Variants in EXOC5 observed in about 807,000 individuals in gnomAD.
EXOC5 encodes exocyst complex component 5.
EXOC5 carries 17 observed loss-of-function variants against 90.8 expected under a neutral mutation model. The observed-to-expected ratio is 0.19, with a 90% confidence interval of 0.13 to 0.28. The LOEUF (loss-of-function observed/expected upper bound fraction) is 0.28, where lower values mean the gene tolerates loss of function less well. EXOC5 is among the 10% of genes least tolerant of loss of function. The pLI is 1.00. For synonymous variants in EXOC5, 260 were observed against 270.0 expected (o/e 0.96, Z 0.36); for missense variants, 569 against 830.6 (o/e 0.69, Z 3.87).
intron 1 of EXOC5, among the ~76,000 whole-genome samples, chr14:57,254,293 G>A (rs1234327342): frequency 2.6e-5 from 4 of 152,024 alleles, no homozygotes; most frequent in East Asian, 1.9e-4. Context: ...AAATTAGCTC[G>A]GTGTGGTGGC....
At chr14:57,258,985 C>T (rs1284343471) in intron 1 of EXOC5, among the ~76,000 whole-genome samples, 1 of 152,140 alleles carries the variant, frequency 6.6e-6, no homozygotes, top group East Asian at 1.9e-4. Flanking sequence ...AAAAGTACTG[C>T]CTATCATGTA....
chr14:57,234,152 C>G (rs917632088), intron 7 of EXOC5, 120 bp from the exon 8 acceptor site: 1 of 671,526 alleles, frequency 1.5e-6, no homozygotes, highest in Admixed American at 2.8e-5. Flanking sequence ...CCAATAGCAA[C>G]ACCTGTTGGA....
intron 6 of EXOC5, 46 bp downstream of exon 6, chr14:57,237,292 G>T: frequency 9.7e-7 from 1 of 1,029,526 alleles, no homozygotes; most frequent in Non-Finnish European, 1.5e-6. Flanking sequence ...TACACAAGTA[G>T]TTTTTTTACT....
Position 57,229,749 on chromosome 14 carries a change from A to G in EXOC5, c.1281T>C (p.Phe427=), listed in dbSNP as rs756444627. The G allele has an allele frequency of 6.6e-7, 1 of 1,522,646 alleles. No individual in the cohort carries two copies. The highest frequency in any genetic ancestry group is 8.9e-7 in the Non-Finnish European group (1 of 1,127,530). The allele number at this position is 1,522,646 out of a possible 1,614,324, so 94.3% of individuals were successfully genotyped here. ...VNLLQETKQA[F]ERCHRLSDPS... ...TCACTCTTACCCTATGACATCTTTC[A>G]AAGGCTTGTTTGGTTTCTTGTAAAA... is the stretch of plus-strand genomic sequence containing the variant. The change falls in exon 12 of 18, where the codon TTT becomes TTC. Residue 427 remains phenylalanine (F), a synonymous_variant. Coordinates refer to ENST00000621441, the MANE Select transcript of EXOC5 (RefSeq NM_006544.4).
In EXOC5 at chr14:57,247,622, T is replaced by C; in HGVS notation, c.118A>G (p.Lys40Glu). 5 of 1,539,402 alleles carry C rather than the reference T, an allele frequency of 3.2e-6. No individual in the cohort carries two copies. The highest frequency in any genetic ancestry group is 4.4e-6 in the Non-Finnish European group (5 of 1,137,284). ...SRGGPEAFDP[K>E]RLLEEFVNHI... ...AAAAAAATTTTTTTATTTCACCTTTTAGGATCAAAAGCTTCAGGTCCACCT... is the reference window on the plus strand; with the variant it reads ...AAAAAAATTTTTTTATTTCACCTTTCAGGATCAAAAGCTTCAGGTCCACCT... Residue 40 changes from lysine to glutamate, a missense_variant, in exon 2 of 18, where the codon AAA becomes GAA. By Grantham distance (56) the Lys-to-Glu change is moderately conservative (BLOSUM62 1). Around this residue, in one of 9 missense-constraint regions of EXOC5, gnomAD observed 45 missense variants for 44.6 expected, o/e 1.01. Coordinates refer to ENST00000621441, the MANE Select transcript of EXOC5 (RefSeq NM_006544.4).
intron 7 of EXOC5, among the ~76,000 whole-genome samples, chr14:57,234,817 G>T (rs191695762): frequency 6.6e-6 from 1 of 151,914 alleles, no homozygotes; most frequent in Admixed American, 6.6e-5. Flanking sequence ...CACCCGCCTC[G>T]GCCTCCCAAA....
rs1221623493 is a variant in EXOC5 at position 57,205,907 on chromosome 14, G to T, written c.*2702C>A. ...ACCAAAAATTGTCCTGGAATGGTCA[G>T]GTGGTCATCCATCTAAAGATCCATC... On this transcript the variant is annotated 3_prime_UTR_variant, in exon 18 of 18. Coordinates refer to ENST00000621441, the MANE Select transcript of EXOC5 (RefSeq NM_006544.4). 1 of 441,598 alleles carries T rather than the reference G, an allele frequency of 2.3e-6. No homozygotes were observed. Among genetic ancestry groups the T allele is most frequent in the Non-Finnish European group, 4.6e-6 (1 of 217,880 alleles). The allele number at this position is 441,598 out of a possible 1,614,324, so 27.4% of individuals were successfully genotyped here. A position where few individuals can be genotyped will look rare whatever the true frequency, so the allele number is the denominator to read the frequency against.
rs534204119 is a variant in EXOC5, at chr14:57,236,261, T to A, written c.560-441A>T. The stretch of plus-strand genomic sequence containing the variant: ...AACACCAAATCTCATCCTGATAATA[T>A]GCAGTATTTATATTTTTTTCATTTT... On this transcript the variant is annotated intron_variant, in intron 6 of 17. Coordinates refer to ENST00000621441, the MANE Select transcript of EXOC5 (RefSeq NM_006544.4). Among the ~76,000 whole-genome samples, 141 of 151,584 alleles carry A rather than the reference T, an allele frequency of 9.3e-4. 1 individual carries two copies. The highest frequency in any genetic ancestry group is 3.2e-3 in the African/African-American group (134 of 41,296).
chr14:57,226,549 ATATAAAAATGT>A (rs1038224134), intron 12 of EXOC5, among the ~76,000 whole-genome samples: 3 of 152,214 alleles, frequency 2.0e-5, no homozygotes, highest in African/African-American at 4.8e-5. Flanking sequence ...AAAATGATTT[ATATAAAAATGT>A]TAGAGGACTT....
chr14:57,219,679 T>C (rs1261540450), intron 13 of EXOC5, among the ~76,000 whole-genome samples: 2 of 152,166 alleles, frequency 1.3e-5, no homozygotes, highest in African/African-American at 2.4e-5. Context: ...GCCTTCATGA[T>C]TCACGTGAGC....
chr14:57,225,515 T>A lies in EXOC5; in HGVS notation c.1297-3099A>T, dbSNP rs144076720. 4.5e-3 allele frequency among the ~76,000 whole-genome samples: 679 copies of A among 151,766 alleles called. 6 individuals carry two copies. Among genetic ancestry groups the A allele is most frequent in the African/African-American group, 0.016 (664 of 41,366 alleles). On this transcript the variant is annotated intron_variant, in intron 12 of 17. Transcript: ENST00000621441. The stretch of plus-strand genomic sequence containing the variant: ...AAATAACAAATAAAAGACATCTATA[T>A]TGGAAAAAATAAGTAAAACTGTATT...
At chr14:57,222,273 A>C (rs1311380470) in intron 13 of EXOC5, 35 bp downstream of exon 13, 5 of 1,047,892 alleles carry the variant, frequency 4.8e-6, no homozygotes, top group Non-Finnish European at 7.1e-6. Context: ...CAGAATCAAA[A>C]GAATTTAACA....
At chr14:57,260,569 G>A (rs775798361) in intron 1 of EXOC5, among the ~76,000 whole-genome samples, 1 of 151,866 alleles carries the variant, frequency 6.6e-6, no homozygotes, top group East Asian at 1.9e-4. Context: ...ATCTCATTTC[G>A]AACAGTAAAG....
intron 11 of EXOC5, among the ~76,000 whole-genome samples, chr14:57,231,055 C>T (rs886252193): frequency 6.7e-6 from 1 of 149,998 alleles, no homozygotes; most frequent in Non-Finnish European, 1.5e-5. Context: ...GTCGCCCAGG[C>T]TGGAGTGCAG....
chr14:57,211,027 A>C (rs1475701777), intron 15 of EXOC5, among the ~76,000 whole-genome samples: 1 of 152,228 alleles, frequency 6.6e-6, no homozygotes, highest in Non-Finnish European at 1.5e-5. Context: ...ATGGCTTCTT[A>C]AAAGTTTCCT....
intron 15 of EXOC5, among the ~76,000 whole-genome samples, chr14:57,213,569 G>A (rs112301002): frequency 0.17 from 25,679 of 151,264 alleles, 4,486 homozygotes; most frequent in African/African-American, 0.45. Context: ...CACCATGCCC[G>A]ACCAATTTTT....
intron 12 of EXOC5, 51 bp from the exon 13 acceptor site, chr14:57,222,467 AT>A: frequency 9.3e-7 from 1 of 1,070,300 alleles, no homozygotes; most frequent in South Asian, 1.5e-5. Context: ...CCTTTTGAAA[AT>A]GCCAATTTTT....
At chr14:57,240,246 T>C (rs995089578) in intron 4 of EXOC5, among the ~76,000 whole-genome samples, 2 of 151,580 alleles carry the variant, frequency 1.3e-5, no homozygotes, top group African/African-American at 2.4e-5. Flanking sequence ...GTTTCACTCT[T>C]GTGGCCCAGA....
In EXOC5 at chr14:57,209,954, T is replaced by C. The variant is rs746138773; in HGVS notation, c.1721A>G (p.Asn574Ser). ...AACAAACTGAATGATTTTACTCACA[T>C]TAGTATATTGAATCAAAACATTGTT... Reference protein sequence around the residue: ...DENNVLIQYTNACVKVCAYVR... With the variant: ...DENNVLIQYTSACVKVCAYVR... Residue 574 changes from asparagine to serine, a missense_variant and splice_region_variant, in exon 16 of 18, where the codon AAT (asparagine) becomes AGT (serine). Physicochemically the swap from Asn to Ser is conservative, Grantham distance 46 (BLOSUM62 1). Transcript: ENST00000621441. 4.8e-6 allele frequency: 7 copies of C among 1,444,186 alleles called. No homozygotes were observed. Among genetic ancestry groups the C allele is most frequent in the African/African-American group, 1.4e-5 (1 of 72,016 alleles). The allele number at this position is 1,444,186 out of a possible 1,614,324, so 89.5% of individuals were successfully genotyped here.
Sources: allele counts gnomAD v4.1 joint callset (sites outside exome capture counted in the v4.1 genomes callset), GRCh38; gene constraint gnomAD v4.1.1; regional missense constraint gnomAD v4.1.1; transcripts MANE v1.5; gene names NCBI Gene and HGNC (gene_info 2026-07-23, HGNC 2026-07-21).